CTNNA3: variants seen among roughly 807,000 people sequenced by gnomAD.
The protein encoded by CTNNA3 is catenin alpha-3.
CTNNA3 carries 76 observed loss-of-function variants against 95.7 expected under a neutral mutation model. That is an observed-to-expected ratio of 0.79 (90% CI 0.66 to 0.96). CTNNA3 has a LOEUF of 0.96. Among genes scored for constraint, CTNNA3 ranks in the 40% least tolerant of loss-of-function variants. The pLI, the probability that CTNNA3 is intolerant of heterozygous loss-of-function variation, is 0.00. For missense variants in CTNNA3, 1,191 were observed against 1,089.8 expected, an observed-to-expected ratio of 1.09 and a Z score of -1.31; for synonymous variants, 431 against 374.4, an observed-to-expected ratio of 1.15 and a Z score of -1.74.
rs1021169892 is a variant in CTNNA3 at position 65,920,793 on chromosome 10, C to T, written c.2401-176G>A. 6.6e-5 allele frequency among the ~76,000 whole-genome samples: 10 copies of T among 151,888 alleles called. No homozygotes were observed. The East Asian group carries it at 7.8e-4, about 12-fold the overall frequency. ...GTGAGCCAAGATGGCGTCACTGCAC[C>T]GCAGCCTGGGTGACAGTGAAACCCC... On this transcript the variant is annotated intron_variant, in intron 17 of 17. Coordinates refer to ENST00000433211, the MANE Select transcript of CTNNA3 (RefSeq NM_013266.4).
At chr10:67,429,139 T>C (rs972759645) in intron 5 of CTNNA3, among the ~76,000 whole-genome samples, 4 of 152,010 alleles carry the variant, frequency 2.6e-5, no homozygotes, top group Non-Finnish European at 4.4e-5. Context: ...AATTAGTTTT[T>C]GATTTGTGTT....
Position 66,937,700 on chromosome 10 carries a change from G to T in CTNNA3, c.1048-162176C>A, listed in dbSNP as rs1480770017. On this transcript the variant is annotated intron_variant, in intron 7 of 17. Transcript: ENST00000433211. ...CCTTTATTGCCCTACCCTTTCCCAT[G>T]CTCTACCACTGGCAGGTTCTCAAAG... Among the ~76,000 whole-genome samples the T allele has an allele frequency of 2.0e-5, 3 of 152,138 alleles. No homozygotes were observed. The East Asian group carries it at 5.8e-4, about 29-fold the overall frequency.
chr10:67,064,636 G>A (rs1289486900), intron 7 of CTNNA3, among the ~76,000 whole-genome samples: 1 of 152,028 alleles, frequency 6.6e-6, no homozygotes, highest in East Asian at 1.9e-4. Context: ...TTCACAGAAG[G>A]CAAAGAAAAA....
At chr10:67,703,788 G>A (rs1316763975) in intron 1 of CTNNA3, among the ~76,000 whole-genome samples, 1 of 152,136 alleles carries the variant, frequency 6.6e-6, no homozygotes, top group African/African-American at 2.4e-5. Flanking sequence ...CAATCAGGCA[G>A]GAGAAGGAAA....
intron 13 of CTNNA3, among the ~76,000 whole-genome samples, chr10:66,198,249 T>G (rs140785253): frequency 0.012 from 1,872 of 152,256 alleles, 29 homozygotes; most frequent in Non-Finnish European, 0.016. Context: ...TCTATTCTCT[T>G]GTGTTGATAT....
intron 7 of CTNNA3, among the ~76,000 whole-genome samples, chr10:67,079,160 T>C (rs1362319454): frequency 6.6e-6 from 1 of 152,240 alleles, no homozygotes; most frequent in Non-Finnish European, 1.5e-5. Context: ...GTTTCTCTGA[T>C]GTTCTGCTGG....
chr10:66,205,770 A>C (rs188768362), intron 13 of CTNNA3, among the ~76,000 whole-genome samples: 83 of 152,102 alleles, frequency 5.5e-4, no homozygotes, highest in Non-Finnish European at 1.0e-3. Flanking sequence ...ATAATAATAT[A>C]AAATGATCCA....
intron 5 of CTNNA3, among the ~76,000 whole-genome samples, chr10:67,340,455 T>C (rs942624012): frequency 1.3e-5 from 2 of 152,250 alleles, no homozygotes; most frequent in Non-Finnish European, 2.9e-5. Flanking sequence ...TATGATAAGA[T>C]TGCCTTTAAC....
At chr10:67,637,393 G>A (rs911374189) in intron 2 of CTNNA3, among the ~76,000 whole-genome samples, 1 of 152,220 alleles carries the variant, frequency 6.6e-6, no homozygotes, top group Non-Finnish European at 1.5e-5. Flanking sequence ...TCTGATTCGT[G>A]TACCTGAAAG....
chr10:66,445,371 T>G (rs1192818149), intron 11 of CTNNA3, among the ~76,000 whole-genome samples: 1 of 151,940 alleles, frequency 6.6e-6, no homozygotes, highest in Admixed American at 6.6e-5. Flanking sequence ...GAATATACAT[T>G]TTTTTTCAGC....
intron 7 of CTNNA3, among the ~76,000 whole-genome samples, chr10:66,835,292 T>A (rs1353224737): frequency 6.6e-6 from 1 of 152,160 alleles, no homozygotes; most frequent in African/African-American, 2.4e-5. Flanking sequence ...TCAAAAGATG[T>A]TCTAGAGCAA....
chr10:66,652,121 T>C (rs955464072), intron 9 of CTNNA3, among the ~76,000 whole-genome samples: 9 of 100,084 alleles, frequency 9.0e-5, no homozygotes, highest in African/African-American at 3.1e-4. Context: ...AAAAAAAAAC[T>C]AAGCCCAAAG....
chr10:66,903,833 A>G (rs1845864599), intron 7 of CTNNA3, among the ~76,000 whole-genome samples: 1 of 152,196 alleles, frequency 6.6e-6, no homozygotes, highest in Admixed American at 6.5e-5. Context: ...GATGTGAAGG[A>G]CCTCTTCAAG....
chr10:65,959,184 C>A (rs1369877052), intron 17 of CTNNA3, among the ~76,000 whole-genome samples: 1 of 152,154 alleles, frequency 6.6e-6, no homozygotes, highest in Non-Finnish European at 1.5e-5. Flanking sequence ...GAGTGGGACC[C>A]TCCGAGCCAG....
In CTNNA3 at chr10:66,244,320, T is replaced by C. The variant is rs528535074; in HGVS notation, c.1884+36150A>G. On this transcript the variant is annotated intron_variant, in intron 13 of 17. Transcript: ENST00000433211. ...ATCTCCATCTGGGCCTGCGCAGAAC[T>C]TTCCACCCGGAAGGGAAGGACATAA... is the stretch of plus-strand genomic sequence containing the variant. Among the ~76,000 whole-genome samples the C allele has an allele frequency of 2.0e-5, 3 of 152,332 alleles. No homozygotes were observed. In the South Asian group the frequency reaches 6.2e-4, roughly 32 times the overall value.
At chr10:67,174,344 A>G (rs754688039) in intron 7 of CTNNA3, among the ~76,000 whole-genome samples, 74 of 152,268 alleles carry the variant, frequency 4.9e-4, no homozygotes, top group African/African-American at 1.6e-3. Flanking sequence ...TGTTTCCTCA[A>G]TAGAGGAACC....
At position 66,679,201 on chromosome 10, in the gene CTNNA3, C is replaced by T. The variant is rs112280186; in HGVS notation, c.1282-57417G>A. Among the ~76,000 whole-genome samples, 1,134 of 152,052 alleles carry T rather than the reference C, an allele frequency of 7.5e-3. 16 individuals carry two copies. The highest frequency in any genetic ancestry group is 0.026 in the African/African-American group (1,077 of 41,486). On this transcript the variant is annotated intron_variant, in intron 9 of 17. Transcript: ENST00000433211. ...ACTAAGTCAGTAGCAGACAGGAATGCGAAGCCATTTCAATCTGAGACAGAT... is the reference window on the plus strand; with the variant it reads ...ACTAAGTCAGTAGCAGACAGGAATGTGAAGCCATTTCAATCTGAGACAGAT...
intron 5 of CTNNA3, among the ~76,000 whole-genome samples, chr10:67,393,613 C>T (rs1156641983): frequency 6.6e-6 from 1 of 151,938 alleles, no homozygotes; most frequent in Non-Finnish European, 1.5e-5. Context: ...TTATTTTAGG[C>T]CCTGTGAGTT....
intron 3 of CTNNA3, among the ~76,000 whole-genome samples, chr10:67,590,439 A>G (rs1422818096): frequency 2.0e-5 from 3 of 152,156 alleles, no homozygotes; most frequent in African/African-American, 4.8e-5. Flanking sequence ...CCATGCATAT[A>G]TGGAACTTTG....
Sources: allele counts gnomAD v4.1 joint callset (sites outside exome capture counted in the v4.1 genomes callset), GRCh38; gene constraint gnomAD v4.1.1; transcripts MANE v1.5; gene names NCBI Gene and HGNC (gene_info 2026-07-23, HGNC 2026-07-21).